Variants in IFT81 observed in about 807,000 individuals in gnomAD.
IFT81 encodes the protein intraflagellar transport protein 81 homolog.
IFT81 carries 72 observed loss-of-function variants against 102.6 expected under a neutral mutation model. The ratio of observed to expected loss-of-function variants is 0.70; its 90% CI spans 0.58 to 0.85. IFT81 has a LOEUF of 0.85. Ranked by LOEUF, IFT81 falls within the 40% of genes least tolerant of loss-of-function variation. The probability of loss-of-function intolerance (pLI) is 0.00; values close to 1 mark genes in which losing one functional copy is unlikely to be tolerated. For synonymous variants in IFT81, 237 were observed against 242.7 expected, an observed-to-expected ratio of 0.98 and a Z score of 0.22; for missense variants, 723 against 787.3, an observed-to-expected ratio of 0.92 and a Z score of 0.98.
intron 11 of IFT81, 95 bp from the exon 12 acceptor site, chr12:110,180,324 GAGA>G: frequency 3.6e-6 from 2 of 550,606 alleles, no homozygotes; most frequent in Non-Finnish European, 5.7e-6. Flanking sequence ...TTGGGAAGTA[GAGA>G]AGAAAAAATG....
At chr12:110,198,454 A>C (rs919503801) in intron 14 of IFT81, among the ~76,000 whole-genome samples, 1 of 151,620 alleles carries the variant, frequency 6.6e-6, no homozygotes, top group Non-Finnish European at 1.5e-5. Context: ...CCATGTTTTG[A>C]GTGTATATTT....
At chr12:110,126,106 G>C (rs1253122290) in intron 1 of IFT81, among the ~76,000 whole-genome samples, 1 of 152,040 alleles carries the variant, frequency 6.6e-6, no homozygotes, top group Non-Finnish European at 1.5e-5. Context: ...GTGAAACCCC[G>C]TCTCTACTAA....
At chr12:110,166,267 C>A (rs1021539290) in intron 11 of IFT81, among the ~76,000 whole-genome samples, 2 of 152,106 alleles carry the variant, frequency 1.3e-5, no homozygotes, top group Non-Finnish European at 2.9e-5. Flanking sequence ...AAAGTTGAAA[C>A]TAGTATTTCC....
intron 10 of IFT81, among the ~76,000 whole-genome samples, chr12:110,161,698 C>T (rs780284651): frequency 3.6e-4 from 55 of 152,152 alleles, no homozygotes; most frequent in Admixed American, 1.8e-3. Context: ...AAGTGATCCT[C>T]CCACCTTGGC....
chr12:110,173,357 G>C (rs556090487), intron 11 of IFT81, among the ~76,000 whole-genome samples: 1 of 133,116 alleles, frequency 7.5e-6, no homozygotes, highest in Middle Eastern at 4.5e-3. Flanking sequence ...TCAGCCCCCC[G>C]CCCGGCCAGC....
intron 1 of IFT81, 124 bp from the exon 2 acceptor site, chr12:110,127,236 A>C (rs1378716561): frequency 2.1e-6 from 2 of 942,294 alleles, no homozygotes; most frequent in Non-Finnish European, 2.9e-6. Flanking sequence ...CCCTTTTCAC[A>C]GCATTTTGTA....
At chr12:110,127,557 C>T in intron 2 of IFT81, 33 bp downstream of exon 2, 2 of 1,551,030 alleles carry the variant, frequency 1.3e-6, no homozygotes, top group Admixed American at 2.2e-5. Context: ...TGATGGGTAG[C>T]AGAAAGCCAA....
rs79391270 is a variant in IFT81, at chr12:110,134,491, C to T, written c.520-457C>T. ...ATTGGTTCATTGGAAAAACCAGGTA[C>T]AAACTTATGTCATGAAAATACCATA... On this transcript the variant is annotated intron_variant, in intron 5 of 18. Coordinates refer to ENST00000242591, the MANE Select transcript of IFT81 (RefSeq NM_014055.4). Among the ~76,000 whole-genome samples the T allele has an allele frequency of 6.9e-3, 1,045 of 152,186 alleles. 1 individual carries two copies. Among genetic ancestry groups the T allele is most frequent in the Non-Finnish European group, 9.4e-3 (642 of 68,014 alleles).
At chr12:110,163,501 A>G (rs1383982676) in intron 11 of IFT81, among the ~76,000 whole-genome samples, 2 of 152,172 alleles carry the variant, frequency 1.3e-5, no homozygotes, top group African/African-American at 4.8e-5. Context: ...TTGGCCTCCC[A>G]AAGTGCTGGG....
At chr12:110,181,716 C>A (rs1897318759) in intron 12 of IFT81, among the ~76,000 whole-genome samples, 1 of 152,154 alleles carries the variant, frequency 6.6e-6, no homozygotes, top group Admixed American at 6.6e-5. Context: ...TGTTAAAAAT[C>A]TCTAACTATA....
At chr12:110,169,067 T>TCCTC (rs1896605691) in intron 11 of IFT81, 1 of 147,482 alleles carries the variant, frequency 6.8e-6, no homozygotes, top group Non-Finnish European at 1.5e-5. Flanking sequence ...CTTCCTTCCT[T>TCCTC]CCTTCCTTCC....
intron 15 of IFT81, 62 bp downstream of exon 15, chr12:110,204,012 C>A: frequency 3.9e-6 from 4 of 1,013,468 alleles, no homozygotes; most frequent in South Asian, 1.4e-5. Context: ...CACCTGTAGT[C>A]CCAGCTACTC....
chr12:110,132,315 CCGGG>C lies in IFT81; in HGVS notation c.430-229_430-226del, dbSNP rs72019112. 8.1e-3 allele frequency among the ~76,000 whole-genome samples: 1,236 copies of C among 151,962 alleles called. 22 individuals are homozygous for C. Among genetic ancestry groups the C allele is most frequent in the African/African-American group, 0.029 (1,185 of 41,460 alleles). ...TCTCTACTAAAAATACAAAAATTAG[CCGGG>C]CGTGGTGGCGCGCGCATGTAATCCC... On this transcript the variant is annotated intron_variant, in intron 4 of 18. Coordinates refer to ENST00000242591, the MANE Select transcript of IFT81 (RefSeq NM_014055.4).
intron 14 of IFT81, among the ~76,000 whole-genome samples, chr12:110,193,917 T>C (rs1418994109): frequency 1.3e-5 from 2 of 152,160 alleles, no homozygotes; most frequent in Non-Finnish European, 2.9e-5. Context: ...TGGCTCATGG[T>C]TCTACAGGCT....
At chr12:110,187,478 T>A (rs549490932) in intron 12 of IFT81, among the ~76,000 whole-genome samples, 1 of 152,320 alleles carries the variant, frequency 6.6e-6, no homozygotes, top group South Asian at 2.1e-4. Context: ...TTGGCCAGGC[T>A]GGTCTTGAAC....
chr12:110,184,506 A>G (rs1277328675), intron 12 of IFT81, among the ~76,000 whole-genome samples: 1 of 152,196 alleles, frequency 6.6e-6, no homozygotes, highest in African/African-American at 2.4e-5. Context: ...CGTCTAGTGC[A>G]TCTTTGTATC....
chr12:110,143,608 T>A (rs917395217), intron 9 of IFT81, 63 bp downstream of exon 9: 39 of 1,324,350 alleles, frequency 2.9e-5, no homozygotes, highest in Non-Finnish European at 3.9e-5. Context: ...TATAAAATTA[T>A]GTGAACTGCT....
intron 4 of IFT81, among the ~76,000 whole-genome samples, chr12:110,129,709 G>A (rs1438465109): frequency 6.6e-6 from 1 of 152,108 alleles, no homozygotes; most frequent in Non-Finnish European, 1.5e-5. Context: ...TCTGGCATAA[G>A]GTCTTAAAGC....
chr12:110,137,798 G>A (rs1593285316), intron 8 of IFT81, among the ~76,000 whole-genome samples: 1 of 152,114 alleles, frequency 6.6e-6, no homozygotes, highest in Non-Finnish European at 1.5e-5. Context: ...GAAAATGATG[G>A]TTGGAAAAAT....
Sources: allele counts gnomAD v4.1 joint callset (sites outside exome capture counted in the v4.1 genomes callset), GRCh38; gene constraint gnomAD v4.1.1; transcripts MANE v1.5; gene names NCBI Gene and HGNC (gene_info 2026-07-23, HGNC 2026-07-21).